The following DOP1B variants were observed in gnomAD, a reference collection of about 807,000 sequenced individuals.
DOP1B encodes the protein protein DOP1B.
A neutral mutation model predicts 233.5 loss-of-function variants in DOP1B; 174 were observed. That is an observed-to-expected ratio of 0.75 (90% confidence interval 0.66 to 0.85). The LOEUF is 0.85. Among genes scored for constraint, DOP1B ranks in the 40% least tolerant of loss-of-function variants. The pLI is 0.00. For synonymous variants in DOP1B, 1,190 were observed against 1,185.6 expected (o/e 1.00, Z -0.08); for missense variants, 2,652 against 2,846.6 (o/e 0.93, Z 1.56).
intron 35 of DOP1B, 138 bp from the exon 36 acceptor site, chr21:36,291,966 C>T: frequency 6.7e-6 from 7 of 1,037,950 alleles, no homozygotes; most frequent in Non-Finnish European, 9.4e-6. Context: ...AGACGTGCAA[C>T]TCTATGAATA....
At chr21:36,265,781 C>T (rs1431979793) in intron 26 of DOP1B, among the ~76,000 whole-genome samples, 1 of 152,192 alleles carries the variant, frequency 6.6e-6, no homozygotes, top group Non-Finnish European at 1.5e-5. Context: ...GCTTCTTCCC[C>T]ACTGAGGATA....
intron 19 of DOP1B, among the ~76,000 whole-genome samples, chr21:36,247,237 G>A (rs774258397): frequency 4.6e-5 from 7 of 152,166 alleles, no homozygotes; most frequent in Non-Finnish European, 1.0e-4. Flanking sequence ...TGCAGGGCAT[G>A]TCAGCTACTC....
chr21:36,278,088 A>G lies in DOP1B; in HGVS notation c.5822+4A>G, dbSNP rs1267458153. On this transcript the variant is annotated splice_donor_region_variant and intron_variant, in intron 29 of 36. Transcript: ENST00000691173. ...TTCCATACTTACGCAACCACAGGTA[A>G]CGTCATCTTCGCCATTTCTTCCCAC... is the stretch of plus-strand genomic sequence containing the variant. The G allele has an allele frequency of 1.9e-6, 3 of 1,613,520 alleles. No individual in the cohort carries two copies. The East Asian group carries it at 6.7e-5, about 36-fold the overall frequency.
At chr21:36,236,449 G>T (rs375529015) in intron 15 of DOP1B, among the ~76,000 whole-genome samples, 1 of 152,150 alleles carries the variant, frequency 6.6e-6, no homozygotes, top group South Asian at 2.1e-4. Context: ...TAACCAATTC[G>T]AGCAGACCCC....
At chr21:36,265,537 T>G (rs1205638832) in intron 26 of DOP1B, among the ~76,000 whole-genome samples, 2 of 152,228 alleles carry the variant, frequency 1.3e-5, no homozygotes, top group Non-Finnish European at 2.9e-5. Flanking sequence ...GGATAGCACT[T>G]GCTCACCTAA....
chr21:36,259,908 A>AG (rs1258298597), intron 23 of DOP1B, among the ~76,000 whole-genome samples: 1 of 152,084 alleles, frequency 6.6e-6, no homozygotes, highest in African/African-American at 2.4e-5. Context: ...ACAAGCAAGG[A>AG]GGGGGTAAAA....
Position 36,263,739 on chromosome 21 carries a change from T to A in DOP1B, c.5421-9T>A. 1 of 1,614,132 alleles carries A rather than the reference T, an allele frequency of 6.2e-7. No individual in the cohort carries two copies. Among genetic ancestry groups the A allele is most frequent in the Non-Finnish European group, 8.5e-7 (1 of 1,180,004 alleles). ...CATTTTTAATCTGAAGCTGATTGTC[T>A]CCCAACAGCATGCTGAATGACTTTG... On this transcript the variant is annotated splice_polypyrimidine_tract_variant and intron_variant, in intron 25 of 36. Coordinates refer to ENST00000691173, the MANE Select transcript of DOP1B (RefSeq NM_001320714.2).
At chr21:36,223,821 A>G (rs2066652501) in intron 11 of DOP1B, among the ~76,000 whole-genome samples, 1 of 152,120 alleles carries the variant, frequency 6.6e-6, no homozygotes, top group African/African-American at 2.4e-5. Flanking sequence ...GAATTGCACC[A>G]CCCCTAAATT....
At position 36,246,156 on chromosome 21, in the gene DOP1B, G is replaced by C. The variant is rs149443014; in HGVS notation, c.4176G>C (p.Ser1392=). The change falls in exon 19 of 37, where the codon TCG becomes TCC. Residue 1392 remains serine, a synonymous_variant. Coordinates refer to ENST00000691173, the MANE Select transcript of DOP1B (RefSeq NM_001320714.2). The surrounding 1 kb of genome is among the most constrained non-coding windows in gnomAD (Gnocchi z 5.1). ...KVQEFVLLSL[S]ASMYTSQKRY... ...AGGAGTTTGTCCTGCTCTCCCTGTC[G>C]GCGTCCATGTACACGAGCCAGAAGC... 1.3e-5 allele frequency: 21 copies of C among 1,613,702 alleles called. No individual in the cohort carries two copies. Among genetic ancestry groups the C allele is most frequent in the Non-Finnish European group, 1.8e-5 (21 of 1,180,034 alleles).
chr21:36,205,064 C>A (rs1449940844), intron 4 of DOP1B, among the ~76,000 whole-genome samples: 1 of 152,158 alleles, frequency 6.6e-6, no homozygotes, highest in African/African-American at 2.4e-5. Flanking sequence ...GTTTACAGTA[C>A]AGGGTGCTGT....
At chr21:36,270,326 G>GCGGGTCGCCTGAGGTGATTA (rs2067272963) in intron 27 of DOP1B, among the ~76,000 whole-genome samples, 169 bp downstream of exon 27, 4 of 151,960 alleles carry the variant, frequency 2.6e-5, no homozygotes, top group African/African-American at 9.7e-5. Context: ...ACCGAGATGG[G>GCGGGTCGCCTGAGGTGATTA]CAGATAAAGC....
At position 36,270,131 on chromosome 21, in the gene DOP1B, A is replaced by G; in HGVS notation, c.5606A>G (p.Glu1869Gly). ...GCCCAACCTCAGGCCTCTCTAGAAGAATCTGATGCTGAGGAGGACCTGTAT... is the reference window on the plus strand; with the variant it reads ...GCCCAACCTCAGGCCTCTCTAGAAGGATCTGATGCTGAGGAGGACCTGTAT... ...VKAQPQASLE[E>G]SDAEEDLYDA... is the part of the protein sequence containing the mutation. The change falls in exon 27 of 37, where the codon GAA (glutamate) becomes GGA (glycine). Residue 1869 changes from glutamate to glycine, a missense_variant. Glu to Gly is a moderately conservative substitution (Grantham distance 98). Coordinates refer to ENST00000691173, the MANE Select transcript of DOP1B (RefSeq NM_001320714.2). The G allele has an allele frequency of 6.2e-7, 1 of 1,614,084 alleles. No homozygotes were observed. The highest frequency in any genetic ancestry group is 1.1e-5 in the South Asian group (1 of 91,080).
chr21:36,289,000 A>C (rs755950881), intron 34 of DOP1B, 45 bp from the exon 35 acceptor site: 2 of 1,603,158 alleles, frequency 1.2e-6, no homozygotes, highest in South Asian at 2.2e-5. Context: ...GGACTATAAC[A>C]GATCTGAATG....
chr21:36,245,649 C>G lies in DOP1B; in HGVS notation c.3669C>G (p.Ala1223=), dbSNP rs1307591008. 1 of 1,613,582 alleles carries G rather than the reference C, an allele frequency of 6.2e-7. No individual in the cohort carries two copies. The highest frequency in any genetic ancestry group is 1.1e-5 in the South Asian group (1 of 91,084). Reference sequence around the variant, plus strand: ...GGGAAAGGCAGGAGGCCGTCGAGGCCTTGTTCAAGCACATCCTGCTCTACC... The same window carrying G: ...GGGAAAGGCAGGAGGCCGTCGAGGCGTTGTTCAAGCACATCCTGCTCTACC... The part of the protein sequence containing the change: ...QQRERQEAVE[A]LFKHILLYLQ... Residue 1223 remains alanine, a synonymous_variant, in exon 19 of 37, where the codon GCC becomes GCG. Transcript: ENST00000691173. The surrounding 1 kb of genome is among the most constrained non-coding windows in gnomAD (Gnocchi z 5.5).
chr21:36,201,275 A>G lies in DOP1B; in HGVS notation c.491+774A>G, dbSNP rs148342433. On this transcript the variant is annotated intron_variant, in intron 4 of 36. Coordinates refer to ENST00000691173, the MANE Select transcript of DOP1B (RefSeq NM_001320714.2). ...ATTTACAGGTGAGGGTCAGAGGGTA[A>G]GAAGGTTTCCCAGTCGCACAGTCAG... 2.4e-4 allele frequency among the ~76,000 whole-genome samples: 37 copies of G among 151,650 alleles called. No individual in the cohort carries two copies. In the South Asian group the frequency reaches 5.0e-3, roughly 20 times the overall value.
At chr21:36,222,986 C>T (rs900085290) in intron 10 of DOP1B, among the ~76,000 whole-genome samples, 1 of 152,152 alleles carries the variant, frequency 6.6e-6, no homozygotes, top group Admixed American at 6.5e-5. Flanking sequence ...GCTGTGATTA[C>T]AGGTGTGAGC....
At chr21:36,172,107 G>A (rs772651189) in intron 2 of DOP1B, among the ~76,000 whole-genome samples, 45 of 152,146 alleles carry the variant, frequency 3.0e-4, no homozygotes, top group Non-Finnish European at 6.2e-4. Context: ...CTGTGTCCAA[G>A]GCATGGGAAG....
chr21:36,264,337 G>A (rs1055597092), intron 26 of DOP1B, among the ~76,000 whole-genome samples: 6 of 152,160 alleles, frequency 3.9e-5, no homozygotes, highest in Non-Finnish European at 8.8e-5. Context: ...CCTTGAGCCT[G>A]GGAGGTTGAG....
intron 2 of DOP1B, among the ~76,000 whole-genome samples, chr21:36,194,321 G>A (rs1387148137): frequency 1.3e-5 from 2 of 152,066 alleles, no homozygotes; most frequent in Non-Finnish European, 2.9e-5. Flanking sequence ...CTCTATGCTT[G>A]AACCTGTATG....
Sources: allele counts gnomAD v4.1 joint callset (sites outside exome capture counted in the v4.1 genomes callset), GRCh38; gene constraint gnomAD v4.1.1; non-coding constraint Gnocchi (gnomAD v3.1); transcripts MANE v1.5; gene names NCBI Gene and HGNC (gene_info 2026-07-23, HGNC 2026-07-21).